ZNF385D: variants seen among roughly 807,000 people sequenced by gnomAD.
The protein encoded by ZNF385D is zinc finger protein 385D.
A neutral mutation model predicts 35.8 loss-of-function variants in ZNF385D; 15 were observed. That is an observed-to-expected ratio of 0.42 (90% CI 0.28 to 0.64). ZNF385D has a LOEUF of 0.64. ZNF385D is among the 30% of genes least tolerant of loss of function. The pLI is 0.23. For missense variants in ZNF385D, 474 were observed against 494.6 expected (o/e 0.96, Z 0.39); for synonymous variants, 212 against 186.8 (o/e 1.13, Z -1.10).
At chr3:22,344,761 G>A (rs1299796319) in intron 2 of ZNF385D, among the ~76,000 whole-genome samples, 1 of 152,068 alleles carries the variant, frequency 6.6e-6, no homozygotes, top group African/African-American at 2.4e-5. Flanking sequence ...CTTCTTGTTT[G>A]TAAAGATTAA....
At chr3:21,438,505 T>C (rs1323090504) in intron 4 of ZNF385D, among the ~76,000 whole-genome samples, 2 of 152,136 alleles carry the variant, frequency 1.3e-5, no homozygotes, top group African/African-American at 2.4e-5. Flanking sequence ...AACTGGAATA[T>C]CCCCTTTCAT....
intron 3 of ZNF385D, among the ~76,000 whole-genome samples, chr3:22,129,721 G>A (rs1703661545): frequency 6.6e-6 from 1 of 151,894 alleles, no homozygotes; most frequent in Non-Finnish European, 1.5e-5. Flanking sequence ...TTTTTTCAGG[G>A]TAACAGGCTT....
At chr3:22,266,274 G>A (rs982640911) in intron 2 of ZNF385D, among the ~76,000 whole-genome samples, 7 of 151,896 alleles carry the variant, frequency 4.6e-5, no homozygotes, top group Admixed American at 1.3e-4. Context: ...AAGTCATGCC[G>A]ACTGGTAGAA....
At chr3:21,566,992 G>T (rs2063171453) in intron 2 of ZNF385D, among the ~76,000 whole-genome samples, 1 of 152,112 alleles carries the variant, frequency 6.6e-6, no homozygotes, top group Non-Finnish European at 1.5e-5. Context: ...ATACAATGGT[G>T]CTCAGATTCA....
intron 3 of ZNF385D, among the ~76,000 whole-genome samples, chr3:22,040,137 T>C (rs1337309231): frequency 6.6e-6 from 1 of 152,136 alleles, no homozygotes; most frequent in Non-Finnish European, 1.5e-5. Context: ...ATTGTGTAGG[T>C]CTAGGGTGAG....
At chr3:22,087,646 CAA>C in intron 3 of ZNF385D, among the ~76,000 whole-genome samples, 1 of 152,252 alleles carries the variant, frequency 6.6e-6, no homozygotes, top group East Asian at 1.9e-4. Context: ...CACACCATCT[CAA>C]GACTACCTAC....
intron 1 of ZNF385D, among the ~76,000 whole-genome samples, chr3:21,694,006 G>T (rs780425043): frequency 2.8e-4 from 39 of 138,158 alleles, no homozygotes; most frequent in Admixed American, 1.1e-3. Context: ...AGCCTCCTGC[G>T]TAGCTGGGAC....
intron 3 of ZNF385D, among the ~76,000 whole-genome samples, chr3:21,845,873 A>G (rs910809743): frequency 1.3e-5 from 2 of 152,030 alleles, no homozygotes; most frequent in Non-Finnish European, 2.9e-5. Flanking sequence ...ATGGAAAAAT[A>G]TTTAGAGATT....
At chr3:22,278,916 T>G (rs532880778) in intron 2 of ZNF385D, among the ~76,000 whole-genome samples, 2 of 150,670 alleles carry the variant, frequency 1.3e-5, no homozygotes, top group African/African-American at 4.8e-5. Flanking sequence ...AGTTTTCTCC[T>G]GCATCTCCCA....
chr3:21,976,430 G>GA (rs1206793506), intron 3 of ZNF385D, among the ~76,000 whole-genome samples: 4 of 152,086 alleles, frequency 2.6e-5, no homozygotes, highest in African/African-American at 9.7e-5. Context: ...ATTTTGAATT[G>GA]AAAAAATACA....
chr3:21,540,475 A>G (rs1428456173), intron 3 of ZNF385D, among the ~76,000 whole-genome samples: 1 of 152,214 alleles, frequency 6.6e-6, no homozygotes, highest in Non-Finnish European at 1.5e-5. Context: ...TGTAATCAAG[A>G]GTGATTGATG....
chr3:22,035,971 A>T (rs555214820), intron 3 of ZNF385D, among the ~76,000 whole-genome samples: 17 of 152,224 alleles, frequency 1.1e-4, no homozygotes, highest in African/African-American at 3.9e-4. Flanking sequence ...AAAAAGAGAA[A>T]AGCAGAAATG....
At chr3:22,240,326 G>T (rs2125312810) in intron 2 of ZNF385D, among the ~76,000 whole-genome samples, 1 of 150,956 alleles carries the variant, frequency 6.6e-6, no homozygotes, top group South Asian at 2.2e-4. Flanking sequence ...GACACGGAAA[G>T]AACACACATA....
chr3:21,624,670 C>T (rs1019092091), intron 2 of ZNF385D, among the ~76,000 whole-genome samples: 2 of 152,014 alleles, frequency 1.3e-5, no homozygotes, highest in African/African-American at 4.8e-5. Flanking sequence ...TTACTCCACC[C>T]TTTTACCCAC....
At chr3:21,855,837 T>C (rs1465728004) in intron 3 of ZNF385D, among the ~76,000 whole-genome samples, 3 of 151,924 alleles carry the variant, frequency 2.0e-5, no homozygotes, top group Non-Finnish European at 2.9e-5. Flanking sequence ...TAATAATGAA[T>C]TGTGGTGACA....
intron 2 of ZNF385D, among the ~76,000 whole-genome samples, chr3:22,267,499 T>A (rs1700956630): frequency 2.6e-5 from 4 of 151,874 alleles, no homozygotes; most frequent in Non-Finnish European, 5.9e-5. Flanking sequence ...GGTATTCTGC[T>A]TTCATAAATT....
At chr3:21,531,987 G>T (rs1262405373) in intron 3 of ZNF385D, among the ~76,000 whole-genome samples, 1 of 152,066 alleles carries the variant, frequency 6.6e-6, no homozygotes, top group Non-Finnish European at 1.5e-5. Context: ...CACAGATCTG[G>T]GCACAAGGTA....
chr3:21,994,186 G>A (rs1419200751), intron 3 of ZNF385D, among the ~76,000 whole-genome samples: 1 of 152,168 alleles, frequency 6.6e-6, no homozygotes, highest in African/African-American at 2.4e-5. Flanking sequence ...TGGACATCTG[G>A]TAGGCTTTGG....
chr3:22,028,384 G>A (rs567206388), intron 3 of ZNF385D, among the ~76,000 whole-genome samples: 3 of 152,260 alleles, frequency 2.0e-5, no homozygotes, highest in South Asian at 4.1e-4. Context: ...GTTACGCATG[G>A]GCTCAGCAAC....
Sources: allele counts gnomAD v4.1 joint callset (sites outside exome capture counted in the v4.1 genomes callset), GRCh38; gene constraint gnomAD v4.1.1; transcripts MANE v1.5; gene names NCBI Gene and HGNC (gene_info 2026-07-23, HGNC 2026-07-21).